PLXNA1: variants seen among roughly 807,000 people sequenced by gnomAD.
The protein encoded by PLXNA1 is plexin-A1.
In PLXNA1, 77 loss-of-function variants were observed where a neutral mutation model predicts 191.7. The observed-to-expected ratio is 0.40, with a 90% CI of 0.33 to 0.49. The LOEUF is 0.49. Among genes scored for constraint, PLXNA1 ranks in the 20% least tolerant of loss-of-function variants. The pLI is 0.63. For missense variants in PLXNA1, 2,110 were observed against 2,660.2 expected (o/e 0.79, Z 4.55); for synonymous variants, 1,137 against 1,156.4 (o/e 0.98, Z 0.34).
intron 3 of PLXNA1, among the ~76,000 whole-genome samples, chr3:127,001,972 G>T (rs1012595682): frequency 4.6e-5 from 7 of 152,252 alleles, no homozygotes; most frequent in Non-Finnish European, 1.0e-4. Flanking sequence ...CGTCCGTCGG[G>T]CAGGCCTTGG....
intron 3 of PLXNA1, among the ~76,000 whole-genome samples, chr3:127,002,640 C>A (rs998981443): frequency 2.6e-5 from 4 of 152,240 alleles, no homozygotes; most frequent in Non-Finnish European, 4.4e-5. Context: ...TGGGCAGACA[C>A]GCCCCAAGAG....
chr3:126,989,370 C>A lies in PLXNA1; in HGVS notation c.777C>A (p.Leu259=), dbSNP rs200970046. ...SFRSEQFVYY[L]TLQLDTQLTS... is the part of the protein sequence containing the mutation. ...GCAGCGAGCAGTTTGTCTACTACCT[C>A]ACGCTGCAGCTAGACACACAGCTGA... Residue 259 remains leucine, a synonymous_variant, in exon 2 of 32, where the codon CTC becomes CTA. Transcript: ENST00000393409. 10 of 1,613,516 alleles carry A rather than the reference C, an allele frequency of 6.2e-6. No homozygotes were observed. In the Admixed American group the frequency reaches 1.0e-4, roughly 16 times the overall value.
intron 19 of PLXNA1, 44 bp downstream of exon 19, chr3:127,017,936 C>T: frequency 6.2e-7 from 1 of 1,604,654 alleles, no homozygotes; most frequent in Non-Finnish European, 8.5e-7. Flanking sequence ...GAGCCATGCC[C>T]CACCTGTGGA....
intron 17 of PLXNA1, 137 bp downstream of exon 17, chr3:127,017,174 G>T: frequency 2.0e-6 from 2 of 1,005,742 alleles, no homozygotes; most frequent in Non-Finnish European, 2.9e-6. Flanking sequence ...GCTGTGCCTG[G>T]AGACCCCTGG....
chr3:127,001,952 G>A, intron 3 of PLXNA1, among the ~76,000 whole-genome samples: 1 of 152,240 alleles, frequency 6.6e-6, no homozygotes, highest in South Asian at 2.1e-4. Flanking sequence ...TGTGGTGCTG[G>A]CATCCTAAGC....
chr3:126,984,722 A>C (rs908362648), intron 1 of PLXNA1, among the ~76,000 whole-genome samples: 1 of 152,192 alleles, frequency 6.6e-6, no homozygotes, highest in Non-Finnish European at 1.5e-5. Context: ...GGTGGGGGAC[A>C]CATGAGGTGC....
chr3:127,021,939 G>A, intron 21 of PLXNA1, 146 bp from the exon 22 acceptor site: 2 of 1,215,418 alleles, frequency 1.6e-6, no homozygotes, highest in Non-Finnish European at 2.3e-6. Context: ...GAGCTGAGGA[G>A]TCAGGGCAAC....
intron 3 of PLXNA1, among the ~76,000 whole-genome samples, chr3:126,998,207 A>G (rs1355827881): frequency 5.9e-5 from 9 of 152,228 alleles, no homozygotes; most frequent in East Asian, 5.8e-4. Flanking sequence ...CGGGCACACT[A>G]TGCTTGTGTG....
chr3:127,015,240 G>C lies in PLXNA1; in HGVS notation c.2934G>C (p.Trp978Cys), dbSNP rs764750743. 2.0e-5 allele frequency: 32 copies of C among 1,613,456 alleles called. No homozygotes were observed. Among genetic ancestry groups the C allele is most frequent in the Non-Finnish European group, 2.6e-5 (31 of 1,179,912 alleles). Residue 978 changes from tryptophan (W) to cysteine (C), a missense_variant, in exon 15 of 32, where the codon TGG becomes TGC. Around this residue, in one of 4 missense-constraint regions of PLXNA1, gnomAD observed 644 missense variants for 714.3 expected, o/e 0.90. Transcript: ENST00000393409. ...PSRGPLSGGT[W>C]IGIEGSHLNA... ...GTGGGCCTCTGTCAGGGGGCACCTG[G>C]ATTGGCATCGAGGGAAGCCACCTGA...
intron 20 of PLXNA1, among the ~76,000 whole-genome samples, chr3:127,019,301 T>G (rs566494454): frequency 6.6e-6 from 1 of 152,200 alleles, no homozygotes; most frequent in African/African-American, 2.4e-5. Context: ...AAATGCAAAG[T>G]TCTGCATCCT....
Position 127,015,210 on chromosome 3 carries a change from C to T in PLXNA1, c.2904C>T (p.Pro968=), listed in dbSNP as rs549904312. ...FVTPTFYRVS[P]SRGPLSGGTW... ...CACCAACCTTCTACCGTGTGAGCCC[C>T]TCCCGTGGGCCTCTGTCAGGGGGCA... Residue 968 remains proline, a synonymous_variant, in exon 15 of 32, where the codon CCC becomes CCT. Coordinates refer to ENST00000393409, the MANE Select transcript of PLXNA1 (RefSeq NM_032242.4). 6.2e-6 allele frequency: 10 copies of T among 1,613,344 alleles called. No individual in the cohort carries two copies. In the East Asian group the frequency reaches 2.0e-4, roughly 32 times the overall value.
Position 127,012,065 on chromosome 3 carries a change from T to C in PLXNA1, c.2220T>C (p.Arg740=). ...TGCCACAGCCACAGTCAGGCCAGCG[T>C]GGATATGAGTGCCTCTTCCACATCC... ...RNLPQPQSGQ[R]GYECLFHIPG... The change falls in exon 10 of 32, where the codon CGT becomes CGC. Residue 740 remains arginine (R), a synonymous_variant. Coordinates refer to ENST00000393409, the MANE Select transcript of PLXNA1 (RefSeq NM_032242.4). 6.2e-7 allele frequency: 1 copy of C among 1,613,776 alleles called. No individual in the cohort carries two copies. The highest frequency in any genetic ancestry group is 2.2e-5 in the East Asian group (1 of 44,874).
At chr3:126,987,010 G>A (rs1401336092) in intron 1 of PLXNA1, among the ~76,000 whole-genome samples, 4 of 152,216 alleles carry the variant, frequency 2.6e-5, no homozygotes, top group African/African-American at 9.6e-5. Flanking sequence ...TGCTGTAGCC[G>A]GCTCCAGCCA....
chr3:127,001,802 A>G (rs2079042104), intron 3 of PLXNA1, among the ~76,000 whole-genome samples: 1 of 152,144 alleles, frequency 6.6e-6, no homozygotes, highest in Non-Finnish European at 1.5e-5. Flanking sequence ...TTCTCATATA[A>G]TCCTCAGAAC....
chr3:127,027,543 C>T (rs2079182212), intron 23 of PLXNA1: 1 of 401,694 alleles, frequency 2.5e-6, no homozygotes, highest in South Asian at 1.9e-5. Flanking sequence ...GTCCTGAGCA[C>T]CTCCAGCTGG....
At chr3:127,004,395 C>T (rs972414539) in intron 4 of PLXNA1, among the ~76,000 whole-genome samples, 3 of 152,240 alleles carry the variant, frequency 2.0e-5, no homozygotes, top group African/African-American at 4.8e-5. Flanking sequence ...ATGGACTGTT[C>T]TCTCTGGCTG....
In PLXNA1 at chr3:127,035,690, C is replaced by A. The variant is rs1352446190; in HGVS notation, c.*1673C>A. ...ACTTTTTTGATGGTACCGAAGATCC[C>A]ATGGACATTAAGGGACAGCTAACTG... On this transcript the variant is annotated 3_prime_UTR_variant, in exon 32 of 32. Coordinates refer to ENST00000393409, the MANE Select transcript of PLXNA1 (RefSeq NM_032242.4). The A allele has an allele frequency of 1.3e-5, 2 of 152,550 alleles. No individual in the cohort carries two copies. Among genetic ancestry groups the A allele is most frequent in the African/African-American group, 4.8e-5 (2 of 41,434 alleles). The allele number at this position is 152,550 out of a possible 1,614,324, so 9.4% of individuals were successfully genotyped here.
chr3:127,026,547 C>T (rs1272793879), intron 23 of PLXNA1: 2 of 152,100 alleles, frequency 1.3e-5, no homozygotes, highest in Non-Finnish European at 2.9e-5. Flanking sequence ...GCTCTCCATC[C>T]GGATCTGCAC....
chr3:126,984,316 G>T (rs1403148387), intron 1 of PLXNA1, among the ~76,000 whole-genome samples: 1 of 152,218 alleles, frequency 6.6e-6, no homozygotes, highest in Non-Finnish European at 1.5e-5. Flanking sequence ...GGGAGGGGAC[G>T]TGGTCGAGCC....
Sources: gnomAD v4.1 joint callset for allele counts (sites outside exome capture counted in the v4.1 genomes callset) on GRCh38, gnomAD v4.1.1 for gene constraint, gnomAD v4.1.1 regional missense constraint, MANE v1.5 for transcripts, NCBI Gene and HGNC (gene_info 2026-07-23, HGNC 2026-07-21) for gene names.